ATXN1: variants seen among roughly 807,000 people sequenced by gnomAD.
ATXN1 encodes the protein ataxin 1.
In ATXN1, 8 loss-of-function variants were observed where a neutral mutation model predicts 56.4. That is an observed-to-expected ratio of 0.14 (90% confidence interval 0.08 to 0.26). ATXN1 has a LOEUF of 0.26. ATXN1 is among the 10% of genes least tolerant of loss of function. The pLI is 1.00. For synonymous variants in ATXN1, 514 were observed against 494.6 expected, an observed-to-expected ratio of 1.04 and a Z score of -0.52; for missense variants, 987 against 1,106.5, an observed-to-expected ratio of 0.89 and a Z score of 1.53.
intron 4 of ATXN1, among the ~76,000 whole-genome samples, chr6:16,549,782 A>C (rs539034361): frequency 9.2e-5 from 14 of 151,782 alleles, no homozygotes; most frequent in African/African-American, 3.4e-4. Context: ...CCGTAATCCC[A>C]GCTACTCAGG....
intron 6 of ATXN1, among the ~76,000 whole-genome samples, chr6:16,432,053 A>G (rs1015568): frequency 0.46 from 69,533 of 151,992 alleles, 16,560 homozygotes; most frequent in Middle Eastern, 0.53. Context: ...ATTTTGAAAT[A>G]CCAAATGGTA....
In ATXN1 at chr6:16,476,120, G is replaced by A. The variant is rs193213116; in HGVS notation, c.-161+9852C>T. Reference sequence around the variant, plus strand: ...ACTCCTGACCTCAGGTGATCCACCCGCCTTGGCTTCCCAAAGTGCTGGAAT... The same window carrying A: ...ACTCCTGACCTCAGGTGATCCACCCACCTTGGCTTCCCAAAGTGCTGGAAT... On this transcript the variant is annotated intron_variant, in intron 6 of 7. Transcript: ENST00000436367. 3.1e-3 allele frequency among the ~76,000 whole-genome samples: 470 copies of A among 152,150 alleles called. 2 individuals carry two copies. Among genetic ancestry groups the A allele is most frequent in the African/African-American group, 0.01 (417 of 41,500 alleles).
At chr6:16,379,453 G>A (rs1762207882) in intron 6 of ATXN1, among the ~76,000 whole-genome samples, 1 of 152,118 alleles carries the variant, frequency 6.6e-6, no homozygotes, top group African/African-American at 2.4e-5. Context: ...CACTTATTTT[G>A]AATAAGTACA....
At position 16,584,251 on chromosome 6, in the gene ATXN1, C is replaced by T. The variant is rs1472506930; in HGVS notation, c.-361+1529G>A. ...ATATATATATATATATATACACACA[C>T]ACACACACACACACACACACATATA... On this transcript the variant is annotated intron_variant, in intron 4 of 7. Coordinates refer to ENST00000436367, the MANE Select transcript of ATXN1 (RefSeq NM_001128164.2). 9.6e-3 allele frequency among the ~76,000 whole-genome samples: 726 copies of T among 75,606 alleles called. 4 individuals carry two copies. Among genetic ancestry groups the T allele is most frequent in the Middle Eastern group, 0.02 (2 of 102 alleles). 49.6% of individuals were successfully genotyped at this position (75,606 alleles called of 152,430 possible).
At chr6:16,744,588 G>A (rs1021993944) in intron 2 of ATXN1, among the ~76,000 whole-genome samples, 2 of 152,166 alleles carry the variant, frequency 1.3e-5, no homozygotes, top group African/African-American at 4.8e-5. Flanking sequence ...CCAGGAAACC[G>A]GCACAGGGTG....
In ATXN1 at chr6:16,303,510, A is replaced by T. The variant is rs1226600161; in HGVS notation, c.*2819T>A. 4 of 152,726 alleles carry T rather than the reference A, an allele frequency of 2.6e-5. No homozygotes were observed. The highest frequency in any genetic ancestry group is 5.9e-5 in the Non-Finnish European group (4 of 68,076). 9.5% of individuals were successfully genotyped at this position (152,726 alleles called of 1,614,324 possible). A position where few individuals can be genotyped will look rare whatever the true frequency, so the allele number is the denominator to read the frequency against. On this transcript the variant is annotated 3_prime_UTR_variant, in exon 8 of 8. Transcript: ENST00000436367. This position sits in a 1 kb window ranked among gnomAD's most constrained non-coding sequence, Gnocchi z 4.3. Reference sequence around the variant, plus strand: ...AGCCAAAAGGGAATGAGCTTTAACTATATAGCACACTGGTCAGACTCTATT... The same window carrying T: ...AGCCAAAAGGGAATGAGCTTTAACTTTATAGCACACTGGTCAGACTCTATT...
Position 16,629,226 on chromosome 6 carries a change from C to A in ATXN1, c.-489+28550G>T, listed in dbSNP as rs141828086. On this transcript the variant is annotated intron_variant, in intron 3 of 7. Coordinates refer to ENST00000436367, the MANE Select transcript of ATXN1 (RefSeq NM_001128164.2). ...TGATTTGCGTTGCTCTAATGACCAGCGATATTGAGCTGCTTTTCATATTCT... is the reference window on the plus strand; with the variant it reads ...TGATTTGCGTTGCTCTAATGACCAGAGATATTGAGCTGCTTTTCATATTCT... 9.1e-3 allele frequency among the ~76,000 whole-genome samples: 1,386 copies of A among 152,260 alleles called. 7 individuals carry two copies. Among genetic ancestry groups the A allele is most frequent in the South Asian group, 0.029 (140 of 4,824 alleles).
intron 3 of ATXN1, among the ~76,000 whole-genome samples, chr6:16,612,772 T>C (rs1403292042): frequency 6.6e-6 from 1 of 151,472 alleles, no homozygotes; most frequent in East Asian, 2.0e-4. Context: ...GCACCTGTAG[T>C]CCCAGCTACT....
At chr6:16,387,116 G>A (rs1179876270) in intron 6 of ATXN1, among the ~76,000 whole-genome samples, 1 of 152,176 alleles carries the variant, frequency 6.6e-6, no homozygotes, top group Non-Finnish European at 1.5e-5. Context: ...CATGCATCTG[G>A]CACAAGGGAT....
intron 6 of ATXN1, among the ~76,000 whole-genome samples, chr6:16,395,658 GGTTT>G (rs1177039912): frequency 6.6e-6 from 1 of 152,094 alleles, no homozygotes; most frequent in Non-Finnish European, 1.5e-5. Context: ...CTATGTTACT[GGTTT>G]GTGTATTTAC....
At chr6:16,325,910 G>A (rs1384728295) in intron 7 of ATXN1, among the ~76,000 whole-genome samples, 1 of 152,108 alleles carries the variant, frequency 6.6e-6, no homozygotes, top group East Asian at 1.9e-4. Context: ...TGGGACCGAA[G>A]GCATATACCA....
At chr6:16,459,913 C>T (rs766456232) in intron 6 of ATXN1, among the ~76,000 whole-genome samples, 4 of 152,316 alleles carry the variant, frequency 2.6e-5, no homozygotes, top group Admixed American at 6.5e-5. Context: ...GCATCTAAAT[C>T]GAAGGCCCAG....
chr6:16,597,684 C>A (rs1399524084), intron 3 of ATXN1, among the ~76,000 whole-genome samples: 1 of 151,182 alleles, frequency 6.6e-6, no homozygotes, highest in Non-Finnish European at 1.5e-5. Flanking sequence ...AGGTGATCCA[C>A]CCGCCTCGGC....
intron 6 of ATXN1, among the ~76,000 whole-genome samples, chr6:16,395,755 T>G (rs180855854): frequency 2.0e-5 from 3 of 152,126 alleles, no homozygotes; most frequent in African/African-American, 4.8e-5. Flanking sequence ...CAGTGGCTCA[T>G]GCCTGTAATC....
In ATXN1 at chr6:16,760,608, G is replaced by C. The variant is rs1761057533; in HGVS notation, c.-730+690C>G. Among the ~76,000 whole-genome samples the C allele has an allele frequency of 6.7e-6, 1 of 150,204 alleles. No homozygotes were observed. Among genetic ancestry groups the C allele is most frequent in the East Asian group, 2.0e-4 (1 of 5,022 alleles). On this transcript the variant is annotated intron_variant, in intron 1 of 7. Transcript: ENST00000436367. The surrounding 1 kb of genome is among the most constrained non-coding windows in gnomAD (Gnocchi z 5.3). ...CGGCCGCGCGCAAAGTCCCGTCCCGGCTGCAGGAGCAGTCCCTTCCCCGCC... is the reference window on the plus strand; with the variant it reads ...CGGCCGCGCGCAAAGTCCCGTCCCGCCTGCAGGAGCAGTCCCTTCCCCGCC...
intron 1 of ATXN1, among the ~76,000 whole-genome samples, chr6:16,757,205 G>A (rs1050324256): frequency 3.3e-5 from 5 of 152,172 alleles, no homozygotes; most frequent in Admixed American, 1.3e-4. Flanking sequence ...AAGTCTAGTC[G>A]TAACATTTTT....
At chr6:16,634,051 C>T (rs957733364) in intron 3 of ATXN1, among the ~76,000 whole-genome samples, 1 of 152,184 alleles carries the variant, frequency 6.6e-6, no homozygotes, top group Admixed American at 6.5e-5. Context: ...GTTGAACAAA[C>T]CTATTAGATG....
Position 16,348,061 on chromosome 6 carries a change from C to T in ATXN1, c.-160-19591G>A, listed in dbSNP as rs565664564. On this transcript the variant is annotated intron_variant, in intron 6 of 7. Transcript: ENST00000436367. ...CCGCTTTAAGAACTGTAACACTCAC[C>T]GCAAGGGTCCACGGCTTAATTCTTG... is the stretch of plus-strand genomic sequence containing the variant. Among the ~76,000 whole-genome samples the T allele has an allele frequency of 7.9e-5, 12 of 152,244 alleles. No individual in the cohort carries two copies. In the East Asian group the frequency reaches 1.5e-3, roughly 20 times the overall value.
intron 3 of ATXN1, among the ~76,000 whole-genome samples, chr6:16,593,149 C>G (rs1762753688): frequency 6.6e-6 from 1 of 152,010 alleles, no homozygotes; most frequent in African/African-American, 2.4e-5. Context: ...TTTATAATAC[C>G]CTTGGAAGAC....
Sources: allele counts gnomAD v4.1 joint callset (sites outside exome capture counted in the v4.1 genomes callset), GRCh38; gene constraint gnomAD v4.1.1; non-coding constraint Gnocchi (gnomAD v3.1); transcripts MANE v1.5; gene names NCBI Gene and HGNC (gene_info 2026-07-23, HGNC 2026-07-21).